Variants in PTPRF observed in about 807,000 individuals in gnomAD.
PTPRF encodes protein tyrosine phosphatase receptor type F.
Under a neutral mutation model 201.8 loss-of-function variants are expected in PTPRF, and 59 were observed. That is an observed-to-expected ratio of 0.29 (90% CI 0.24 to 0.36). The LOEUF is 0.36. Among genes scored for constraint, PTPRF ranks in the 10% least tolerant of loss-of-function variants. The pLI, the probability that PTPRF is intolerant of heterozygous loss-of-function variation, is 1.00. For synonymous variants in PTPRF, 1,088 were observed against 1,089.7 expected (o/e 1.00, Z 0.03); for missense variants, 2,132 against 2,690.5 (o/e 0.79, Z 4.59).
At chr1:43,532,648 A>G (rs1036590368) in intron 1 of PTPRF, 1 of 162,190 alleles carries the variant, frequency 6.2e-6, no homozygotes, top group Admixed American at 6.3e-5. Context: ...TCCAGAAGAG[A>G]GTTCTGACAG....
intron 5 of PTPRF, among the ~76,000 whole-genome samples, chr1:43,559,485 G>A (rs570929135): frequency 4.0e-5 from 6 of 151,734 alleles, no homozygotes; most frequent in East Asian, 3.9e-4. Context: ...ATATGTGTGC[G>A]GTGTGCCGTG....
rs889917922 is a variant in PTPRF at position 43,603,102 on chromosome 1, T to G, written c.2341-314T>G. ...TGGGTGCGTGCGAGGCTGTGCCCTG[T>G]TGATATCCTCAGTCTCCGTTCACAG... On this transcript the variant is annotated intron_variant, in intron 14 of 33. Transcript: ENST00000359947. This position sits in a 1 kb window ranked among gnomAD's most constrained non-coding sequence, Gnocchi z 5.8. 6.6e-6 allele frequency among the ~76,000 whole-genome samples: 1 copy of G among 152,180 alleles called. No homozygotes were observed. Among genetic ancestry groups the G allele is most frequent in the African/African-American group, 2.4e-5 (1 of 41,444 alleles).
upstream of PTPRF, among the ~76,000 whole-genome samples, chr1:43,523,177 T>C (rs1170631417): frequency 6.6e-6 from 1 of 151,722 alleles, no homozygotes; most frequent in Non-Finnish European, 1.5e-5. Context: ...AATCAGGGAG[T>C]GAAGATCTGG....
chr1:43,585,088 T>G (rs1648785117), intron 7 of PTPRF, among the ~76,000 whole-genome samples: 1 of 152,240 alleles, frequency 6.6e-6, no homozygotes, highest in Non-Finnish European at 1.5e-5. Flanking sequence ...CTGGCATTGT[T>G]GGAGCCTAAG....
intron 5 of PTPRF, among the ~76,000 whole-genome samples, chr1:43,568,474 G>A (rs892035710): frequency 6.6e-5 from 10 of 152,138 alleles, no homozygotes; most frequent in African/African-American, 2.2e-4. Flanking sequence ...CGCATCAGAT[G>A]CTCCGCAACA....
intron 1 of PTPRF, among the ~76,000 whole-genome samples, chr1:43,532,408 C>G (rs758131144): frequency 1.3e-5 from 2 of 152,210 alleles, no homozygotes; most frequent in Non-Finnish European, 2.9e-5. Context: ...CAGGGCAGGG[C>G]CGGGAGGCTG....
intron 20 of PTPRF, 104 bp from the exon 21 acceptor site, chr1:43,606,710 C>A: frequency 6.8e-7 from 1 of 1,472,656 alleles, no homozygotes; most frequent in Non-Finnish European, 9.2e-7. Flanking sequence ...GGAGACCAGG[C>A]CCAGGGTAAC....
rs140415781 is a variant in PTPRF, at chr1:43,588,901, G to A, written c.850G>A (p.Val284Ile). The change falls in exon 8 of 34, where the codon GTC (valine) becomes ATC (isoleucine). Residue 284 changes from valine to isoleucine, a missense_variant. Val to Ile is a conservative substitution (Grantham distance 29). This residue lies in a region of PTPRF where 297 missense variants were observed against 454.0 expected (regional missense o/e 0.65). Coordinates refer to ENST00000359947, the MANE Select transcript of PTPRF (RefSeq NM_002840.5). This position sits in a 1 kb window ranked among gnomAD's most constrained non-coding sequence, Gnocchi z 5.3. ...KEDEMPVGRNVLELSNVVRSA... is the reference protein window; with the variant it reads ...KEDEMPVGRNILELSNVVRSA... ...GGATGAGATGCCAGTTGGCCGCAAC[G>A]TCCTGGAGCTCAGCAATGTCGTACG... 84 of 1,613,470 alleles carry A rather than the reference G, an allele frequency of 5.2e-5. No individual in the cohort carries two copies. The highest frequency in any genetic ancestry group is 1.2e-4 in the South Asian group (11 of 91,036).
At position 43,603,576 on chromosome 1, in the gene PTPRF, A is replaced by T. The variant is rs777052079; in HGVS notation, c.2459-35A>T. 6.2e-7 allele frequency: 1 copy of T among 1,612,184 alleles called. No individual in the cohort carries two copies. Among genetic ancestry groups the T allele is most frequent in the South Asian group, 1.1e-5 (1 of 91,058 alleles). ...ACGGACCTGAGGGTGGGGCAGCAGG[A>T]GGGCAGCGCCAGAGCCCAGCCCGTG... On this transcript the variant is annotated intron_variant, in intron 15 of 33. Coordinates refer to ENST00000359947, the MANE Select transcript of PTPRF (RefSeq NM_002840.5). This position sits in a 1 kb window ranked among gnomAD's most constrained non-coding sequence, Gnocchi z 5.8.
At chr1:43,582,396 G>C (rs1302608350) in intron 7 of PTPRF, 1 of 152,368 alleles carries the variant, frequency 6.6e-6, no homozygotes, top group Non-Finnish European at 1.5e-5. Context: ...GGCATGCTGG[G>C]TGGGCCAGAG....
chr1:43,575,842 T>C (rs750377833), intron 6 of PTPRF: 5 of 1,301,686 alleles, frequency 3.8e-6, no homozygotes, highest in Non-Finnish European at 5.1e-6. Context: ...TTTGGCTTTG[T>C]GTGGCTTTCC....
chr1:43,604,130 G>C lies in PTPRF; in HGVS notation c.2978G>C (p.Ser993Thr). Residue 993 changes from serine (S) to threonine (T), a missense_variant, in exon 16 of 34, where the codon AGC (serine) becomes ACC (threonine). Transcript: ENST00000359947. ...TYDIKVRAWT[S>T]KGSGPLSPSI... ...GACATCAAGGTCCGCGCATGGACCA[G>C]CAAAGGCTCTGGCCCACTCAGCCCC... The C allele has an allele frequency of 6.2e-7, 1 of 1,614,190 alleles. No homozygotes were observed. Among genetic ancestry groups the C allele is most frequent in the Non-Finnish European group, 8.5e-7 (1 of 1,180,058 alleles).
At chr1:43,570,464 C>CA (rs1646492832) in intron 6 of PTPRF, among the ~76,000 whole-genome samples, 1 of 152,294 alleles carries the variant, frequency 6.6e-6, no homozygotes, top group South Asian at 2.1e-4. Flanking sequence ...CTGCTGCCAG[C>CA]ACGGCCTGGA....
At chr1:43,602,248 A>G (rs1166332882) in intron 14 of PTPRF, 151 bp downstream of exon 14, 6 of 926,318 alleles carry the variant, frequency 6.5e-6, no homozygotes, top group South Asian at 2.9e-5. Context: ...AGACACAAGC[A>G]CTGAGCTGAG....
At chr1:43,541,377 AG>A (rs1644352586) in intron 2 of PTPRF, among the ~76,000 whole-genome samples, 1 of 152,310 alleles carries the variant, frequency 6.6e-6, no homozygotes, top group African/African-American at 2.4e-5. Flanking sequence ...AGAGGCTGGC[AG>A]GGTGGTTAGG....
At chr1:43,544,080 C>A (rs909884781) in intron 2 of PTPRF, among the ~76,000 whole-genome samples, 15 of 152,214 alleles carry the variant, frequency 9.9e-5, no homozygotes, top group African/African-American at 3.1e-4. Context: ...GCACTTCAGG[C>A]CAGGAGCCTT....
chr1:43,571,696 G>A (rs898563970), intron 6 of PTPRF, among the ~76,000 whole-genome samples: 6 of 152,150 alleles, frequency 3.9e-5, no homozygotes, highest in Admixed American at 6.5e-5. Flanking sequence ...GGGCCCTCCC[G>A]AGAATCCATC....
intron 11 of PTPRF, among the ~76,000 whole-genome samples, chr1:43,595,299 C>T (rs1557804095): frequency 6.6e-6 from 1 of 152,154 alleles, no homozygotes; most frequent in Non-Finnish European, 1.5e-5. Context: ...CAACCTCCGT[C>T]CACCTCCTGG....
At chr1:43,613,172 T>C (rs977259467) in intron 22 of PTPRF, 14 of 316,374 alleles carry the variant, frequency 4.4e-5, no homozygotes, top group African/African-American at 3.0e-4. Context: ...CCACTCCATC[T>C]ACACACTTGG....
Sources: allele counts gnomAD v4.1 joint callset (sites outside exome capture counted in the v4.1 genomes callset), GRCh38; gene constraint gnomAD v4.1.1; regional missense constraint gnomAD v4.1.1; non-coding constraint Gnocchi (gnomAD v3.1); transcripts MANE v1.5; gene names NCBI Gene and HGNC (gene_info 2026-07-23, HGNC 2026-07-21).